The following DNM3 variants were observed in gnomAD, a reference collection of about 807,000 sequenced individuals.
DNM3 encodes the protein dynamin-3.
Under a neutral mutation model 101.6 loss-of-function variants are expected in DNM3, and 47 were observed. The ratio of observed to expected loss-of-function variants is 0.46; its 90% CI spans 0.37 to 0.59. The LOEUF is 0.59. DNM3 is among the 20% of genes least tolerant of loss of function. DNM3 has a pLI of 0.00. For synonymous variants in DNM3, 385 were observed against 387.9 expected, an observed-to-expected ratio of 0.99 and a Z score of 0.09; for missense variants, 849 against 1,085.7, an observed-to-expected ratio of 0.78 and a Z score of 3.06.
intron 1 of DNM3, among the ~76,000 whole-genome samples, chr1:171,843,093 C>T (rs2031522097): frequency 6.6e-6 from 1 of 152,038 alleles, no homozygotes; most frequent in African/African-American, 2.4e-5. Context: ...TGAATATTCC[C>T]ACATTTCCTT....
At chr1:171,975,205 A>G (rs60893096) in intron 2 of DNM3, among the ~76,000 whole-genome samples, 5,047 of 152,106 alleles carry the variant, frequency 0.033, 253 homozygotes, top group African/African-American at 0.11. Context: ...GGTTGACTCT[A>G]TTGCCTGAGT....
intron 1 of DNM3, among the ~76,000 whole-genome samples, chr1:171,887,049 G>C (rs2036842571): frequency 6.6e-6 from 1 of 152,180 alleles, no homozygotes; most frequent in African/African-American, 2.4e-5. Context: ...TTAGGTAATT[G>C]AATTACTAGA....
chr1:172,126,039 C>T (rs935767083), intron 13 of DNM3, among the ~76,000 whole-genome samples: 1 of 152,078 alleles, frequency 6.6e-6, no homozygotes, highest in African/African-American at 2.4e-5. Context: ...TGAATGTCTG[C>T]CTTTTCTTAT....
chr1:171,872,471 C>T (rs1402648448), intron 1 of DNM3, among the ~76,000 whole-genome samples: 1 of 152,038 alleles, frequency 6.6e-6, no homozygotes, highest in Non-Finnish European at 1.5e-5. Context: ...CATATTGGAC[C>T]TTAGATATTT....
chr1:172,111,968 C>T (rs910304135), intron 13 of DNM3, among the ~76,000 whole-genome samples: 15 of 152,098 alleles, frequency 9.9e-5, no homozygotes, highest in Admixed American at 1.3e-4. Context: ...AAGGATTGCC[C>T]AGAAACTGCT....
intron 13 of DNM3, among the ~76,000 whole-genome samples, chr1:172,099,775 ATG>A (rs1330802722): frequency 1.3e-5 from 2 of 152,212 alleles, no homozygotes; most frequent in African/African-American, 4.8e-5. Flanking sequence ...AAAGTCAGAG[ATG>A]TTATTGGAGT....
At chr1:172,226,651 T>G (rs2061133347) in intron 14 of DNM3, among the ~76,000 whole-genome samples, 1 of 152,160 alleles carries the variant, frequency 6.6e-6, no homozygotes, top group South Asian at 2.1e-4. Context: ...ATTGGAAGAA[T>G]TAAATGACTA....
chr1:171,855,297 A>T (rs1219786642), intron 1 of DNM3, among the ~76,000 whole-genome samples: 1 of 152,200 alleles, frequency 6.6e-6, no homozygotes, highest in Non-Finnish European at 1.5e-5. Flanking sequence ...ATTTAGGTTG[A>T]TTCCATGTCC....
chr1:172,375,409 A>T (rs1034723897), intron 17 of DNM3, among the ~76,000 whole-genome samples: 1 of 152,032 alleles, frequency 6.6e-6, no homozygotes, highest in African/African-American at 2.4e-5. Flanking sequence ...AGCCTCATCA[A>T]ATTAGAAGTG....
chr1:172,255,956 A>G (rs891780584), intron 15 of DNM3, among the ~76,000 whole-genome samples: 1 of 151,748 alleles, frequency 6.6e-6, no homozygotes, highest in African/African-American at 2.4e-5. Flanking sequence ...AATTTTATCA[A>G]CCTCTCCACC....
intron 16 of DNM3, among the ~76,000 whole-genome samples, chr1:172,322,988 T>C (rs1484942075): frequency 6.6e-6 from 1 of 152,194 alleles, no homozygotes; most frequent in African/African-American, 2.4e-5. Context: ...GTTCACTTAT[T>C]ACTGATTCAA....
At chr1:172,096,970 C>CA (rs2054285584) in intron 13 of DNM3, among the ~76,000 whole-genome samples, 2 of 152,002 alleles carry the variant, frequency 1.3e-5, no homozygotes, top group Non-Finnish European at 2.9e-5. Context: ...AAAATATATT[C>CA]AGAGGGTAGA....
intron 14 of DNM3, among the ~76,000 whole-genome samples, chr1:172,158,914 T>C (rs2058444486): frequency 6.6e-6 from 1 of 152,132 alleles, no homozygotes; most frequent in Non-Finnish European, 1.5e-5. Flanking sequence ...TAATCCTTTA[T>C]GAATAATCTT....
intron 10 of DNM3, among the ~76,000 whole-genome samples, chr1:172,051,435 A>G (rs2050197781): frequency 1.3e-5 from 2 of 152,168 alleles, no homozygotes; most frequent in Non-Finnish European, 2.9e-5. Context: ...ATCATGTCCA[A>G]TGCCTAAAAG....
intron 20 of DNM3, among the ~76,000 whole-genome samples, chr1:172,403,098 G>A (rs577972519): frequency 7.9e-5 from 12 of 152,110 alleles, no homozygotes; most frequent in Non-Finnish European, 1.6e-4. Flanking sequence ...ATTGCCAAGA[G>A]CATATCAATC....
chr1:171,932,017 T>TCCC (rs2041050920), intron 2 of DNM3, among the ~76,000 whole-genome samples: 1 of 86,812 alleles, frequency 1.2e-5, no homozygotes, highest in African/African-American at 4.7e-5. Flanking sequence ...CCTCCCTCCC[T>TCCC]TCCTCCCTCC....
intron 14 of DNM3, among the ~76,000 whole-genome samples, chr1:172,147,408 AG>A (rs1196516002): frequency 2.6e-5 from 4 of 152,180 alleles, no homozygotes; most frequent in African/African-American, 7.2e-5. Flanking sequence ...CTTGACTTTG[AG>A]GAACTAAAGT....
chr1:172,015,338 A>G (rs986026274), intron 4 of DNM3, among the ~76,000 whole-genome samples: 56 of 152,188 alleles, frequency 3.7e-4, no homozygotes, highest in African/African-American at 1.2e-3. Flanking sequence ...ATTTCATTGA[A>G]TCTATAGATT....
At position 172,197,604 on chromosome 1, in the gene DNM3, C is replaced by G. The variant is rs955341052; in HGVS notation, c.1660-55969C>G. 2.0e-5 allele frequency among the ~76,000 whole-genome samples: 3 copies of G among 151,916 alleles called. No homozygotes were observed. The South Asian group carries it at 6.2e-4, about 32-fold the overall frequency. On this transcript the variant is annotated intron_variant, in intron 14 of 20. Coordinates refer to ENST00000627582, the MANE Select transcript of DNM3 (RefSeq NM_015569.5). ...TTTCTTTGAGCAGTGTTTTGTAAAC[C>G]TCATTATAGATATCTTTCACCTCCC...
Sources: allele counts gnomAD v4.1 joint callset (sites outside exome capture counted in the v4.1 genomes callset), GRCh38; gene constraint gnomAD v4.1.1; transcripts MANE v1.5; gene names NCBI Gene and HGNC (gene_info 2026-07-23, HGNC 2026-07-21).